Variants in BARX2 observed in about 807,000 individuals in gnomAD.
The protein encoded by BARX2 is BARX homeobox 2, also known as homeobox protein BarH-like 2.
BARX2 carries 11 observed loss-of-function variants against 25.5 expected under a neutral mutation model. The observed-to-expected ratio is 0.43, with a 90% CI of 0.27 to 0.71. BARX2 has a LOEUF of 0.71. BARX2 is among the 30% of genes least tolerant of loss of function. The probability of loss-of-function intolerance (pLI) is 0.19; values close to 1 mark genes in which losing one functional copy is unlikely to be tolerated. For synonymous variants in BARX2, 137 were observed against 149.5 expected (o/e 0.92, Z 0.61); for missense variants, 360 against 359.9 (o/e 1.00, Z 0.00).
At chr11:129,434,280 TCTGA>T (rs1445392806) in intron 1 of BARX2, among the ~76,000 whole-genome samples, 1 of 149,632 alleles carries the variant, frequency 6.7e-6, no homozygotes, top group Non-Finnish European at 1.5e-5. Context: ...AGACAGAATC[TCTGA>T]CTGGGCACGA....
At chr11:129,432,036 AG>A in intron 1 of BARX2, among the ~76,000 whole-genome samples, 1 of 151,668 alleles carries the variant, frequency 6.6e-6, no homozygotes, top group African/African-American at 2.4e-5. Flanking sequence ...CAATTGCTCC[AG>A]CACCATTTTT....
At chr11:129,396,052 C>T (rs952744825) in intron 1 of BARX2, among the ~76,000 whole-genome samples, 21 of 152,120 alleles carry the variant, frequency 1.4e-4, no homozygotes, top group African/African-American at 4.8e-4. Context: ...CAGATCCATC[C>T]GTCAGCTGCC....
At chr11:129,403,230 C>T (rs1044798106) in intron 1 of BARX2, among the ~76,000 whole-genome samples, 1 of 152,226 alleles carries the variant, frequency 6.6e-6, no homozygotes. Flanking sequence ...TTCTACTGCA[C>T]TCCTAATTGC....
intron 1 of BARX2, among the ~76,000 whole-genome samples, chr11:129,380,676 T>C (rs1426745524): frequency 6.6e-6 from 1 of 152,200 alleles, no homozygotes; most frequent in African/African-American, 2.4e-5. Context: ...ATTGTAAGGG[T>C]AAATAAATAG....
chr11:129,451,042 A>T, intron 3 of BARX2, 94 bp from the exon 4 acceptor site: 1 of 1,465,036 alleles, frequency 6.8e-7, no homozygotes, highest in Non-Finnish European at 9.3e-7. Context: ...GCTGGAACAG[A>T]TGGTTTAGAT....
At chr11:129,420,546 A>T (rs1226069171) in intron 1 of BARX2, among the ~76,000 whole-genome samples, 4 of 152,234 alleles carry the variant, frequency 2.6e-5, no homozygotes, top group African/African-American at 9.6e-5. Flanking sequence ...TTAGTGTGTT[A>T]TTAGCTATAA....
intron 1 of BARX2, among the ~76,000 whole-genome samples, chr11:129,409,487 C>T (rs1861865917): frequency 6.6e-6 from 1 of 151,910 alleles, no homozygotes; most frequent in Non-Finnish European, 1.5e-5. Context: ...GCTTGTTTCT[C>T]TTTTATGAAA....
intron 1 of BARX2, among the ~76,000 whole-genome samples, chr11:129,421,605 G>A (rs1462024550): frequency 6.6e-6 from 1 of 152,212 alleles, no homozygotes; most frequent in Non-Finnish European, 1.5e-5. Flanking sequence ...TGATGGAAAT[G>A]CCTGTATGAT....
At chr11:129,413,639 G>T (rs1366137473) in intron 1 of BARX2, among the ~76,000 whole-genome samples, 2 of 152,146 alleles carry the variant, frequency 1.3e-5, no homozygotes, top group Admixed American at 6.5e-5. Context: ...CAGGTAAAAA[G>T]ATATCTCAGT....
rs987602650 is a variant in BARX2 at position 129,376,990 on chromosome 11, T to A, written c.187+768T>A. ...ATCGAAAATAAATCCAAGGTACTTT[T>A]AAAATTTTGAATGCATTAAGAGAAG... On this transcript the variant is annotated intron_variant, in intron 1 of 3. Transcript: ENST00000281437. The surrounding 1 kb of genome is among the most constrained non-coding windows in gnomAD (Gnocchi z 4.2). Among the ~76,000 whole-genome samples the A allele has an allele frequency of 3.9e-5, 6 of 152,256 alleles. No homozygotes were observed. The highest frequency in any genetic ancestry group is 1.4e-4 in the African/African-American group (6 of 41,470).
At chr11:129,397,586 G>C (rs752450) in intron 1 of BARX2, among the ~76,000 whole-genome samples, 1 of 152,048 alleles carries the variant, frequency 6.6e-6, no homozygotes, top group Non-Finnish European at 1.5e-5. Flanking sequence ...ACTAGAGTTC[G>C]TTAAAAAAAT....
chr11:129,439,878 T>C (rs927823154), intron 2 of BARX2, among the ~76,000 whole-genome samples: 1 of 152,088 alleles, frequency 6.6e-6, no homozygotes, highest in Non-Finnish European at 1.5e-5. Context: ...CGTGCATGAC[T>C]AACATATTAG....
intron 2 of BARX2, among the ~76,000 whole-genome samples, chr11:129,442,399 T>C (rs1170217474): frequency 1.3e-5 from 2 of 152,148 alleles, no homozygotes; most frequent in East Asian, 3.9e-4. Context: ...GAGAATCACC[T>C]GCCGGAGGTG....
intron 2 of BARX2, among the ~76,000 whole-genome samples, chr11:129,441,167 T>C (rs1264876086): frequency 6.6e-6 from 1 of 152,154 alleles, no homozygotes; most frequent in East Asian, 1.9e-4. Context: ...CCCACCCGGT[T>C]GTTTGCTGCT....
At chr11:129,419,571 G>A (rs937855757) in intron 1 of BARX2, among the ~76,000 whole-genome samples, 1 of 152,184 alleles carries the variant, frequency 6.6e-6, no homozygotes, top group Non-Finnish European at 1.5e-5. Flanking sequence ...TAGTTTCTGT[G>A]TGGAGTGAAG....
chr11:129,408,797 A>G (rs1416864804), intron 1 of BARX2, among the ~76,000 whole-genome samples: 1 of 151,956 alleles, frequency 6.6e-6, no homozygotes, highest in African/African-American at 2.4e-5. Flanking sequence ...TCTTTATTGG[A>G]TTATTTGTTT....
chr11:129,387,434 G>C (rs527925214), intron 1 of BARX2, among the ~76,000 whole-genome samples: 1 of 152,162 alleles, frequency 6.6e-6, no homozygotes, highest in Non-Finnish European at 1.5e-5. Context: ...AGGATATTTA[G>C]GGTAAATTTT....
At chr11:129,412,567 T>A (rs1455444473) in intron 1 of BARX2, among the ~76,000 whole-genome samples, 1 of 152,214 alleles carries the variant, frequency 6.6e-6, no homozygotes, top group Non-Finnish European at 1.5e-5. Flanking sequence ...TGCACTCACA[T>A]TGATACCCAC....
At chr11:129,408,043 A>G (rs980173422) in intron 1 of BARX2, among the ~76,000 whole-genome samples, 5 of 151,378 alleles carry the variant, frequency 3.3e-5, no homozygotes, top group African/African-American at 4.8e-5. Context: ...AAAAAAAAAA[A>G]AAAAGTTGGA....
Sources: allele counts gnomAD v4.1 joint callset (sites outside exome capture counted in the v4.1 genomes callset), GRCh38; gene constraint gnomAD v4.1.1; non-coding constraint Gnocchi (gnomAD v3.1); transcripts MANE v1.5; gene names NCBI Gene and HGNC (gene_info 2026-07-23, HGNC 2026-07-21).